Variants in CYYR1 observed in about 807,000 individuals in gnomAD.
The protein encoded by CYYR1 is cysteine and tyrosine-rich protein 1.
CYYR1 carries 14 observed loss-of-function variants against 15.2 expected under a neutral mutation model. That is an observed-to-expected ratio of 0.92 (90% CI 0.61 to 1.44). CYYR1 has a LOEUF of 1.44. Ranked by LOEUF, CYYR1 falls within the 40% of genes most tolerant of loss-of-function variation. The probability of loss-of-function intolerance (pLI) is 0.00; values close to 1 mark genes in which losing one functional copy is unlikely to be tolerated. For missense variants in CYYR1, 228 were observed against 209.5 expected (o/e 1.09, Z -0.54); for synonymous variants, 80 against 77.4 (o/e 1.03, Z -0.18).
chr21:26,488,240 ACTTCCTTCCTTCCTTCCTTCCTTCCTTC>A (rs71336135), intron 2 of CYYR1, among the ~76,000 whole-genome samples: 1 of 139,320 alleles, frequency 7.2e-6, no homozygotes, highest in African/African-American at 2.7e-5. Context: ...ATCTTCCCCT[ACTTCCTTCCTTCCTTCCTTCCTTCCTTC>A]CTTCCTTCCT....
At chr21:26,508,414 T>G (rs1229313320) in intron 2 of CYYR1, among the ~76,000 whole-genome samples, 1 of 151,996 alleles carries the variant, frequency 6.6e-6, no homozygotes, top group African/African-American at 2.4e-5. Flanking sequence ...TGAGGTTGGG[T>G]TGGATTGTGG....
intron 2 of CYYR1, chr21:26,503,578 A>C (rs1409480307): frequency 1.3e-5 from 2 of 152,152 alleles, no homozygotes; most frequent in Non-Finnish European, 2.9e-5. Context: ...TTTTGTGTCC[A>C]CAGAGTATCT....
At chr21:26,527,582 C>T (rs1197020512) in intron 2 of CYYR1, among the ~76,000 whole-genome samples, 2 of 152,034 alleles carry the variant, frequency 1.3e-5, no homozygotes, top group South Asian at 2.1e-4. Context: ...GTAAAAATGG[C>T]TTATGTTGGC....
rs984693804 is a variant in CYYR1 at position 26,510,561 on chromosome 21, T to C, written c.177-30132A>G. 3.3e-5 allele frequency among the ~76,000 whole-genome samples: 5 copies of C among 152,332 alleles called. No individual in the cohort carries two copies. The East Asian group carries it at 9.6e-4, about 29-fold the overall frequency. Reference sequence around the variant, plus strand: ...CTTCTGTTCTGTTGCTGGAGGACATTGGCTATTGTGCAATGTAGTCTATTG... The same window carrying C: ...CTTCTGTTCTGTTGCTGGAGGACATCGGCTATTGTGCAATGTAGTCTATTG... On this transcript the variant is annotated intron_variant, in intron 2 of 3. Transcript: ENST00000652641.
At chr21:26,497,502 T>A (rs996383340) in intron 2 of CYYR1, among the ~76,000 whole-genome samples, 3 of 152,168 alleles carry the variant, frequency 2.0e-5, no homozygotes, top group Non-Finnish European at 4.4e-5. Context: ...CCTTCAGCCC[T>A]ATTCCATAAA....
chr21:26,526,069 C>T (rs6516736), intron 2 of CYYR1, among the ~76,000 whole-genome samples: 99,258 of 151,820 alleles, frequency 0.65, 32,589 homozygotes, highest in East Asian at 0.81. Flanking sequence ...GTACTAGGCT[C>T]AATACATGGA....
chr21:26,502,295 A>G (rs1412457910), intron 2 of CYYR1, among the ~76,000 whole-genome samples: 1 of 133,096 alleles, frequency 7.5e-6, no homozygotes, highest in Non-Finnish European at 1.6e-5. Flanking sequence ...TATAGAATTG[A>G]GAACTGCTTT....
At chr21:26,476,319 G>A (rs1270551152) in intron 3 of CYYR1, among the ~76,000 whole-genome samples, 1 of 152,064 alleles carries the variant, frequency 6.6e-6, no homozygotes, top group African/African-American at 2.4e-5. Context: ...ATCTTTATCT[G>A]TCCTTTAGTA....
intron 2 of CYYR1, among the ~76,000 whole-genome samples, chr21:26,491,862 G>T (rs992484542): frequency 4.6e-5 from 7 of 152,104 alleles, no homozygotes; most frequent in African/African-American, 1.7e-4. Context: ...CCCATTCTCT[G>T]TTGAGACAAG....
chr21:26,560,524 T>G (rs1301309453), intron 2 of CYYR1, among the ~76,000 whole-genome samples: 1 of 152,230 alleles, frequency 6.6e-6, no homozygotes, highest in Non-Finnish European at 1.5e-5. Context: ...GCAAGGGTTA[T>G]AACAACATAC....
At chr21:26,491,939 C>T (rs891270106) in intron 2 of CYYR1, among the ~76,000 whole-genome samples, 2 of 152,118 alleles carry the variant, frequency 1.3e-5, no homozygotes, top group African/African-American at 4.8e-5. Context: ...TTGCCTGGTT[C>T]TGACATTTAT....
chr21:26,475,438 C>T (rs1190222095), intron 3 of CYYR1, among the ~76,000 whole-genome samples: 1 of 152,140 alleles, frequency 6.6e-6, no homozygotes, highest in Admixed American at 6.5e-5. Flanking sequence ...CCATCAAAGG[C>T]TAGCCCCTAT....
chr21:26,526,135 AC>A (rs2065862077), intron 2 of CYYR1, among the ~76,000 whole-genome samples: 1 of 152,076 alleles, frequency 6.6e-6, no homozygotes, highest in African/African-American at 2.4e-5. Flanking sequence ...TATGTAACAA[AC>A]CTAAACATGT....
In CYYR1 at chr21:26,528,176, T is replaced by C. The variant is rs549904048; in HGVS notation, c.176+38090A>G. Among the ~76,000 whole-genome samples, 333 of 152,378 alleles carry C rather than the reference T, an allele frequency of 2.2e-3. 1 individual carries two copies. Among genetic ancestry groups the C allele is most frequent in the Non-Finnish European group, 2.8e-3 (189 of 68,032 alleles). On this transcript the variant is annotated intron_variant, in intron 2 of 3. Coordinates refer to ENST00000652641, the MANE Select transcript of CYYR1 (RefSeq NM_001320768.2). ...TTGTTAATAGCTAAATATCTTTTTTTAGTTCAAAAGGTTTACCTTTTAAAG... is the reference window on the plus strand; with the variant it reads ...TTGTTAATAGCTAAATATCTTTTTTCAGTTCAAAAGGTTTACCTTTTAAAG...
Position 26,478,977 on chromosome 21 carries a change from A to T in CYYR1, c.334+1295T>A, listed in dbSNP as rs1039633860. Among the ~76,000 whole-genome samples the T allele has an allele frequency of 5.3e-5, 8 of 152,228 alleles. No homozygotes were observed. The South Asian group carries it at 1.7e-3, about 32-fold the overall frequency. ...ATCCAACACTTGGATCAGAAATCCA[A>T]GTTTAGACATGTCAAATTTGGGATA... On this transcript the variant is annotated intron_variant, in intron 3 of 3. Coordinates refer to ENST00000652641, the MANE Select transcript of CYYR1 (RefSeq NM_001320768.2).
chr21:26,563,517 A>G (rs2123723762), intron 2 of CYYR1, among the ~76,000 whole-genome samples: 1 of 152,288 alleles, frequency 6.6e-6, no homozygotes, highest in East Asian at 1.9e-4. Context: ...GGCTGCAGTG[A>G]GCTGAGATTG....
intron 3 of CYYR1, among the ~76,000 whole-genome samples, chr21:26,473,002 T>C (rs1013324772): frequency 6.6e-6 from 1 of 152,178 alleles, no homozygotes; most frequent in African/African-American, 2.4e-5. Flanking sequence ...CCGAATTATC[T>C]AAATGTGGCT....
At chr21:26,553,590 G>A (rs996732909) in intron 2 of CYYR1, among the ~76,000 whole-genome samples, 1 of 152,098 alleles carries the variant, frequency 6.6e-6, no homozygotes, top group African/African-American at 2.4e-5. Context: ...GAAACAACTG[G>A]TAAATTTATG....
intron 3 of CYYR1, among the ~76,000 whole-genome samples, chr21:26,472,098 T>G (rs890924026): frequency 1.3e-5 from 2 of 152,172 alleles, no homozygotes; most frequent in African/African-American, 2.4e-5. Flanking sequence ...AAATCATATC[T>G]TTAAATACTG....
Sources: allele counts gnomAD v4.1 joint callset (sites outside exome capture counted in the v4.1 genomes callset), GRCh38; gene constraint gnomAD v4.1.1; transcripts MANE v1.5; gene names NCBI Gene and HGNC (gene_info 2026-07-23, HGNC 2026-07-21).